The following AJUBA variants were observed in gnomAD, a reference collection of about 807,000 sequenced individuals.
AJUBA encodes ajuba LIM protein.
In AJUBA, 20 loss-of-function variants were observed where a neutral mutation model predicts 53.3. That is an observed-to-expected ratio of 0.38 (90% CI 0.26 to 0.55). The LOEUF is 0.55. Ranked by LOEUF, AJUBA falls within the 20% of genes least tolerant of loss-of-function variation. The pLI is 0.80. For missense variants in AJUBA, 580 were observed against 730.5 expected (o/e 0.79, Z 2.38); for synonymous variants, 296 against 306.2 (o/e 0.97, Z 0.35).
At chr14:22,974,511 T>C in intron 6 of AJUBA, 1 of 437,436 alleles carries the variant, frequency 2.3e-6, no homozygotes, top group Admixed American at 3.9e-5. Context: ...AAATCATTTC[T>C]GACCCCTTCC....
chr14:22,977,881 C>T (rs1453652622), intron 2 of AJUBA: 1 of 156,188 alleles, frequency 6.4e-6, no homozygotes, highest in Non-Finnish European at 1.4e-5. Flanking sequence ...GTGGCCTGCA[C>T]TCCAGTGAGG....
In AJUBA at chr14:22,973,243, C is replaced by T; in HGVS notation, c.*200G>A. On this transcript the variant is annotated 3_prime_UTR_variant, in exon 8 of 8. Coordinates refer to ENST00000262713, the MANE Select transcript of AJUBA (RefSeq NM_032876.6). Reference sequence around the variant, plus strand: ...CACATGGGAAAAAGGCCAGTCGCCCCCACCCTGGTAAATATAAGGTTTCTC... The same window carrying T: ...CACATGGGAAAAAGGCCAGTCGCCCTCACCCTGGTAAATATAAGGTTTCTC... 1.2e-6 allele frequency: 1 copy of T among 824,584 alleles called. No homozygotes were observed. Among genetic ancestry groups the T allele is most frequent in the Non-Finnish European group, 1.8e-6 (1 of 545,858 alleles). The allele number at this position is 824,584 out of a possible 1,614,324, so 51.1% of individuals were successfully genotyped here.
rs1355196137 is a variant in AJUBA, at chr14:22,972,237, G to A, written c.*1206C>T. 6.6e-6 allele frequency: 1 copy of A among 152,186 alleles called. No homozygotes were observed. Among genetic ancestry groups the A allele is most frequent in the African/African-American group, 2.4e-5 (1 of 41,386 alleles). The allele number at this position is 152,186 out of a possible 1,614,324, so 9.4% of individuals were successfully genotyped here. On this transcript the variant is annotated 3_prime_UTR_variant, in exon 8 of 8. Coordinates refer to ENST00000262713, the MANE Select transcript of AJUBA (RefSeq NM_032876.6). ...TCCAGTTCCCCCCAACTCTAGTTTT[G>A]GGATTGTGATGGATGCAATCCGGGA...
chr14:22,978,836 T>C (rs1448158527), intron 1 of AJUBA: 1 of 1,245,942 alleles, frequency 8.0e-7, no homozygotes, highest in Non-Finnish European at 1.0e-6. Flanking sequence ...AGTCCACAGG[T>C]GCTCAGCAGC....
chr14:22,977,109 C>T, intron 2 of AJUBA: 9 of 1,033,656 alleles, frequency 8.7e-6, no homozygotes, highest in Non-Finnish European at 8.1e-6. Context: ...GTTAACAGGC[C>T]TTTCCCTCTG....
chr14:22,982,034 C>A lies in AJUBA; in HGVS notation c.233G>T (p.Gly78Val). 1 of 1,590,778 alleles carries A rather than the reference C, an allele frequency of 6.3e-7. No homozygotes were observed. The part of the protein sequence containing the change: ...GSLDAERNQR[G>V]SFEAPRYEGS... ...TTCGTAGCGCGGCGCCTCAAAGGAG[C>A]CGCGCTGATTTCGCTCAGCGTCCAG... The change falls in exon 1 of 8, where the codon GGC becomes GTC. Residue 78 changes from glycine (G) to valine (V), a missense_variant. Physicochemically the swap from Gly to Val is moderately radical, Grantham distance 109. Coordinates refer to ENST00000262713, the MANE Select transcript of AJUBA (RefSeq NM_032876.6).
Position 22,975,145 on chromosome 14 carries a change from C to T in AJUBA, c.1240-41G>A, listed in dbSNP as rs201186974. 1.4e-5 allele frequency: 22 copies of T among 1,591,650 alleles called. 1 individual carries two copies. In the South Asian group the frequency reaches 2.5e-4, roughly 18 times the overall value. On this transcript the variant is annotated intron_variant, in intron 4 of 7. Coordinates refer to ENST00000262713, the MANE Select transcript of AJUBA (RefSeq NM_032876.6). ...GCAAGAGAATCAGTCTCCCTCCAGT[C>T]CCAGCTCTCCAGCTGCCCATTATGC...
At position 22,981,715 on chromosome 14, in the gene AJUBA, A is replaced by T; in HGVS notation, c.552T>A (p.Phe184Leu). The change falls in exon 1 of 8, where the codon TTT (phenylalanine) becomes TTA (leucine). Residue 184 changes from phenylalanine to leucine, a missense_variant. This residue lies in a region of AJUBA where 430 missense variants were observed against 471.5 expected (regional missense o/e 0.91). Transcript: ENST00000262713. ...GSPLPAGPCL[F>L]GPPLAGAPAG... ...CCGGTGCTCCGGCCAGGGGTGGGCCAAACAGGCACGGCCCCGCTGGCAAGG... is the reference window on the plus strand; with the variant it reads ...CCGGTGCTCCGGCCAGGGGTGGGCCTAACAGGCACGGCCCCGCTGGCAAGG... 1 of 1,528,520 alleles carries T rather than the reference A, an allele frequency of 6.5e-7. No individual in the cohort carries two copies. Among genetic ancestry groups the T allele is most frequent in the South Asian group, 1.2e-5 (1 of 82,468 alleles). 94.7% of individuals were successfully genotyped at this position (1,528,520 alleles called of 1,614,324 possible).
Position 22,972,334 on chromosome 14 carries a change from A to AAAGT in AJUBA, c.*1108_*1109insACTT, listed in dbSNP as rs3833811. 68,706 of 151,916 alleles carry AAAGT rather than the reference A, an allele frequency of 0.45. 16,749 individuals carry two copies. The highest frequency in any genetic ancestry group is 0.64 in the African/African-American group (26,260 of 41,180). The allele number at this position is 151,916 out of a possible 1,614,324, so 9.4% of individuals were successfully genotyped here. A position where few individuals can be genotyped will look rare whatever the true frequency, so the allele number is the denominator to read the frequency against. On this transcript the variant is annotated 3_prime_UTR_variant, in exon 8 of 8. Coordinates refer to ENST00000262713, the MANE Select transcript of AJUBA (RefSeq NM_032876.6). ...ACAAGTGACCTGAGAAGAGAGTAAG[A>AAAGT]AAGAGTGAGAGAGAGACAGAGAGAC...
Position 22,981,433 on chromosome 14 carries a change from G to A in AJUBA, c.834C>T (p.Asp278=), listed in dbSNP as rs561426391. 5.0e-6 allele frequency: 8 copies of A among 1,611,560 alleles called. No individual in the cohort carries two copies. The South Asian group carries it at 6.6e-5, about 13-fold the overall frequency. The change falls in exon 1 of 8, where the codon GAC becomes GAT. Residue 278 remains aspartate, a synonymous_variant. Transcript: ENST00000262713. Reference sequence around the variant, plus strand: ...TCAGGCGAAGCAAAGCTGTTAGCTCGTCCTGGTACCGGGCGCCCACGGCGC... The same window carrying A: ...TCAGGCGAAGCAAAGCTGTTAGCTCATCCTGGTACCGGGCGCCCACGGCGC... ...GDCAVGARYQ[D]ELTALLRLTV... is the part of the protein sequence containing the mutation.
At chr14:22,978,222 G>T in intron 2 of AJUBA, 122 bp downstream of exon 2, 3 of 918,400 alleles carry the variant, frequency 3.3e-6, no homozygotes, top group Non-Finnish European at 3.4e-6. Flanking sequence ...ACTTGGTGGG[G>T]ATCCAACAGC....
chr14:22,980,290 G>A (rs2045074948), intron 1 of AJUBA, among the ~76,000 whole-genome samples: 1 of 152,174 alleles, frequency 6.6e-6, no homozygotes, highest in African/African-American at 2.4e-5. Flanking sequence ...TTGACTAAAA[G>A]ATCTTTCAAG....
chr14:22,977,446 G>A (rs1376095449), intron 2 of AJUBA: 3 of 153,482 alleles, frequency 2.0e-5, no homozygotes, highest in African/African-American at 7.2e-5. Context: ...GTGAGAACAG[G>A]TGGAGCATGA....
In AJUBA at chr14:22,972,044, C is replaced by T. The variant is rs1477657939; in HGVS notation, c.*1399G>A. On this transcript the variant is annotated 3_prime_UTR_variant, in exon 8 of 8. Transcript: ENST00000262713. ...AGCATGACAAAAAAGAATAGGACAC[C>T]TAAATGGATATAAACACACCAAAAT... is the stretch of plus-strand genomic sequence containing the variant. 1 of 152,482 alleles carries T rather than the reference C, an allele frequency of 6.6e-6. No individual in the cohort carries two copies. The highest frequency in any genetic ancestry group is 1.5e-5 in the Non-Finnish European group (1 of 68,006). 9.4% of individuals were successfully genotyped at this position (152,482 alleles called of 1,614,324 possible).
At chr14:22,980,568 C>T (rs1245564858) in intron 1 of AJUBA, 2 of 983,934 alleles carry the variant, frequency 2.0e-6, no homozygotes, top group Non-Finnish European at 2.4e-6. Flanking sequence ...GAAGCTGGTA[C>T]TACTGGGTCT....
At position 22,979,908 on chromosome 14, in the gene AJUBA, GC is replaced by G. The variant is rs1443213363; in HGVS notation, c.1006+1352del. Among the ~76,000 whole-genome samples the G allele has an allele frequency of 1.3e-5, 2 of 151,152 alleles. No individual in the cohort carries two copies. The highest frequency in any genetic ancestry group is 4.9e-5 in the African/African-American group (2 of 41,078). On this transcript the variant is annotated intron_variant, in intron 1 of 7. Coordinates refer to ENST00000262713, the MANE Select transcript of AJUBA (RefSeq NM_032876.6). The surrounding 1 kb of genome is among the most constrained non-coding windows in gnomAD (Gnocchi z 4.0). Reference sequence around the variant, plus strand: ...GCCTCAAAATGAAACTGCTAAATGGGCCCTGTCATTCAGTCTTCCTTGATCA... The same window carrying G: ...GCCTCAAAATGAAACTGCTAAATGGGCCTGTCATTCAGTCTTCCTTGATCA...
At chr14:22,976,108 A>G (rs1220193503) in intron 4 of AJUBA, among the ~76,000 whole-genome samples, 1 of 145,682 alleles carries the variant, frequency 6.9e-6, no homozygotes, top group Non-Finnish European at 1.5e-5. Flanking sequence ...GGTTGCAGTG[A>G]GCCGAGATCA....
chr14:22,981,615 G>T lies in AJUBA; in HGVS notation c.652C>A (p.Arg218=). The change falls in exon 1 of 8, where the codon CGG becomes AGG. Residue 218 remains arginine, a synonymous_variant. Coordinates refer to ENST00000262713, the MANE Select transcript of AJUBA (RefSeq NM_032876.6). ...TCCTGGCAGCCGAACCCCGCGGGCC[G>T]CTGAGCGTACAATCGGTCCAGGGCG... is the stretch of plus-strand genomic sequence containing the variant. ...HAALDRLYAQ[R]PAGFGCQESR... is the part of the protein sequence containing the mutation. 6.5e-7 allele frequency: 1 copy of T among 1,530,186 alleles called. No individual in the cohort carries two copies. The highest frequency in any genetic ancestry group is 8.8e-7 in the Non-Finnish European group (1 of 1,141,654). 94.8% of individuals were successfully genotyped at this position (1,530,186 alleles called of 1,614,324 possible). A position where few individuals can be genotyped will look rare whatever the true frequency, so the allele number is the denominator to read the frequency against.
rs1190358239 is a variant in AJUBA, at chr14:22,979,493, G to T, written c.1007-1048C>A. On this transcript the variant is annotated intron_variant, in intron 1 of 7. Transcript: ENST00000262713. This position sits in a 1 kb window ranked among gnomAD's most constrained non-coding sequence, Gnocchi z 4.0. ...GGGCAAGGCTGAAGCCAAGGAAGAG[G>T]GCCCCTACTAGGGGCAGGAGGAGGG... 1.3e-5 allele frequency among the ~76,000 whole-genome samples: 2 copies of T among 152,356 alleles called. No individual in the cohort carries two copies. Among genetic ancestry groups the T allele is most frequent in the East Asian group, 3.9e-4 (2 of 5,178 alleles).
Sources: allele counts gnomAD v4.1 joint callset (sites outside exome capture counted in the v4.1 genomes callset), GRCh38; gene constraint gnomAD v4.1.1; regional missense constraint gnomAD v4.1.1; non-coding constraint Gnocchi (gnomAD v3.1); transcripts MANE v1.5; gene names NCBI Gene and HGNC (gene_info 2026-07-23, HGNC 2026-07-21).